Variants in DENND4C observed in about 807,000 individuals in gnomAD.
DENND4C encodes the protein DENN domain-containing protein 4C.
Under a neutral mutation model 203.0 loss-of-function variants are expected in DENND4C, and 108 were observed. The observed-to-expected ratio is 0.53, with a 90% CI of 0.46 to 0.62. The LOEUF is 0.62. Ranked by LOEUF, DENND4C falls within the 20% of genes least tolerant of loss-of-function variation. The pLI, the probability that DENND4C is intolerant of heterozygous loss-of-function variation, is 0.00. For synonymous variants in DENND4C, 871 were observed against 792.4 expected, an observed-to-expected ratio of 1.10 and a Z score of -1.67; for missense variants, 2,481 against 2,301.2, an observed-to-expected ratio of 1.08 and a Z score of -1.60.
chr9:19,310,436 A>G (rs1840515866), intron 10 of DENND4C, among the ~76,000 whole-genome samples: 1 of 152,236 alleles, frequency 6.6e-6, no homozygotes, highest in Admixed American at 6.5e-5. Flanking sequence ...GAACACAGCC[A>G]TGCTCATTCA....
At chr9:19,294,109 A>T (rs540375470) in intron 5 of DENND4C, among the ~76,000 whole-genome samples, 4 of 152,174 alleles carry the variant, frequency 2.6e-5, no homozygotes, top group Non-Finnish European at 4.4e-5. Context: ...TTTTGAAAAT[A>T]GGAGTCTGAG....
At chr9:19,261,416 G>C (rs1444015886) in intron 1 of DENND4C, among the ~76,000 whole-genome samples, 1 of 147,270 alleles carries the variant, frequency 6.8e-6, no homozygotes, top group Non-Finnish European at 1.5e-5. Flanking sequence ...TTTTGATAGG[G>C]ATTGCATTTA....
At chr9:19,232,802 A>G (rs899027559) in intron 1 of DENND4C, among the ~76,000 whole-genome samples, 2 of 152,210 alleles carry the variant, frequency 1.3e-5, no homozygotes, top group Non-Finnish European at 2.9e-5. Flanking sequence ...CATATTAAGT[A>G]TCTGCAATAA....
intron 1 of DENND4C, among the ~76,000 whole-genome samples, chr9:19,238,214 C>G (rs978241442): frequency 5.3e-5 from 8 of 151,354 alleles, no homozygotes; most frequent in African/African-American, 9.7e-5. Flanking sequence ...TGCCGAGTAG[C>G]TGGGATTACA....
chr9:19,244,166 G>C (rs1288267757), intron 1 of DENND4C, among the ~76,000 whole-genome samples: 2 of 152,092 alleles, frequency 1.3e-5, no homozygotes, highest in African/African-American at 2.4e-5. Flanking sequence ...GAGTAGCTGG[G>C]ATTACAGGTG....
chr9:19,267,268 C>A (rs1284948906), intron 1 of DENND4C, among the ~76,000 whole-genome samples: 1 of 152,140 alleles, frequency 6.6e-6, no homozygotes, highest in East Asian at 1.9e-4. Context: ...ATAATGTTTA[C>A]TTTATATATC....
chr9:19,326,338 A>G, intron 15 of DENND4C, 144 bp downstream of exon 15: 1 of 813,356 alleles, frequency 1.2e-6, no homozygotes, highest in Non-Finnish European at 1.7e-6. Context: ...TTTTATGGAA[A>G]TGCCACTAGG....
chr9:19,325,554 A>G (rs1369343856), intron 13 of DENND4C, among the ~76,000 whole-genome samples: 1 of 152,130 alleles, frequency 6.6e-6, no homozygotes, highest in Non-Finnish European at 1.5e-5. Flanking sequence ...TATAATTAAA[A>G]CTATTCAACA....
At position 19,346,521 on chromosome 9, in the gene DENND4C, A is replaced by T; in HGVS notation, c.3752A>T (p.Asp1251Val). Residue 1251 changes from aspartate (D) to valine (V), a missense_variant, in exon 23 of 33, where the codon GAT becomes GTT. Physicochemically the swap from Asp to Val is radical, Grantham distance 152. Transcript: ENST00000434457. Reference sequence around the variant, plus strand: ...AGGGAAGATGTTGAAACTGGACTAGATCCTTTGTCTCTTTTAGCCACTGAA... The same window carrying T: ...AGGGAAGATGTTGAAACTGGACTAGTTCCTTTGTCTCTTTTAGCCACTGAA... Reference protein sequence around the residue: ...VQREDVETGLDPLSLLATECT... With the variant: ...VQREDVETGLVPLSLLATECT... 1 of 1,614,152 alleles carries T rather than the reference A, an allele frequency of 6.2e-7. No homozygotes were observed. The highest frequency in any genetic ancestry group is 8.5e-7 in the Non-Finnish European group (1 of 1,180,032).
At chr9:19,237,182 G>A (rs1234873738) in intron 1 of DENND4C, among the ~76,000 whole-genome samples, 3 of 151,952 alleles carry the variant, frequency 2.0e-5, no homozygotes, top group South Asian at 2.1e-4. Flanking sequence ...CACCACGCCC[G>A]GCTAATTTTT....
intron 26 of DENND4C, among the ~76,000 whole-genome samples, chr9:19,355,368 A>G (rs915742062): frequency 4.6e-5 from 7 of 152,138 alleles, no homozygotes; most frequent in East Asian, 1.9e-4. Flanking sequence ...GTTGTTCCCT[A>G]TCCCTAGGAC....
At chr9:19,317,741 A>G (rs970734483) in intron 12 of DENND4C, among the ~76,000 whole-genome samples, 8 of 152,250 alleles carry the variant, frequency 5.3e-5, no homozygotes, top group Non-Finnish European at 8.8e-5. Context: ...AATAATTAAG[A>G]TATTTTAAAA....
rs774125630 is a variant in DENND4C at position 19,346,389 on chromosome 9, G to A, written c.3620G>A (p.Ser1207Asn). The change falls in exon 23 of 33, where the codon AGT (serine) becomes AAT (asparagine). Residue 1207 changes from serine to asparagine, a missense_variant. By Grantham distance (46) the Ser-to-Asn change is conservative (BLOSUM62 1). This residue lies in a region of DENND4C where 2,289 missense variants were observed against 2,113.3 expected (regional missense o/e 1.08). Transcript: ENST00000434457. ...KTTATVDTYESLLSDSNSNQS... is the reference protein window; with the variant it reads ...KTTATVDTYENLLSDSNSNQS... Reference sequence around the variant, plus strand: ...ACTGCAACAGTAGATACATATGAGAGTCTACTAAGTGATAGTAACAGTAAT... The same window carrying A: ...ACTGCAACAGTAGATACATATGAGAATCTACTAAGTGATAGTAACAGTAAT... 10 of 1,614,004 alleles carry A rather than the reference G, an allele frequency of 6.2e-6. No homozygotes were observed. The highest frequency in any genetic ancestry group is 8.5e-6 in the Non-Finnish European group (10 of 1,179,926).
intron 3 of DENND4C, among the ~76,000 whole-genome samples, chr9:19,287,505 C>T (rs1252167376): frequency 2.6e-5 from 4 of 151,804 alleles, no homozygotes; most frequent in East Asian, 1.9e-4. Flanking sequence ...CTTAGCCTCC[C>T]GAGTAGCTGG....
chr9:19,315,090 G>A (rs889447277), intron 10 of DENND4C, among the ~76,000 whole-genome samples: 18 of 151,130 alleles, frequency 1.2e-4, no homozygotes, highest in African/African-American at 4.4e-4. Flanking sequence ...AACCTGGAAT[G>A]CGGAGGTTGC....
intron 30 of DENND4C, among the ~76,000 whole-genome samples, chr9:19,364,917 A>C (rs564392211): frequency 6.6e-6 from 1 of 151,868 alleles, no homozygotes; most frequent in Non-Finnish European, 1.5e-5. Context: ...AAACGAAAAA[A>C]AAAGAAATTT....
chr9:19,347,538 CT>C (rs1563828960), intron 23 of DENND4C, among the ~76,000 whole-genome samples: 1 of 152,096 alleles, frequency 6.6e-6, no homozygotes, highest in Non-Finnish European at 1.5e-5. Context: ...GTTTGTATAT[CT>C]TTTTAAAAAT....
intron 18 of DENND4C, among the ~76,000 whole-genome samples, chr9:19,335,393 T>C (rs1025200976): frequency 2.0e-5 from 3 of 152,194 alleles, no homozygotes; most frequent in African/African-American, 7.2e-5. Context: ...ATTTTCAAAA[T>C]ACAATACATT....
rs1038217100 is a variant in DENND4C at position 19,327,974 on chromosome 9, A to T, written c.2121-56A>T. On this transcript the variant is annotated intron_variant, in intron 15 of 32. Transcript: ENST00000434457. ...GAAATATTTGCCTAAACGCTGGAAT[A>T]ATATGAAGAGTTGGTGTGTTTTAAA... is the stretch of plus-strand genomic sequence containing the variant. 4.7e-6 allele frequency: 7 copies of T among 1,487,402 alleles called. No individual in the cohort carries two copies. The African/African-American group carries it at 1.0e-4, about 21-fold the overall frequency. 92.1% of individuals were successfully genotyped at this position (1,487,402 alleles called of 1,614,324 possible).
Sources: gnomAD v4.1 joint callset for allele counts (sites outside exome capture counted in the v4.1 genomes callset) on GRCh38, gnomAD v4.1.1 for gene constraint, gnomAD v4.1.1 regional missense constraint, MANE v1.5 for transcripts, NCBI Gene and HGNC (gene_info 2026-07-23, HGNC 2026-07-21) for gene names.